The following FHIT variants were observed in gnomAD, a reference collection of about 807,000 sequenced individuals.
FHIT encodes the protein fragile histidine triad diadenosine triphosphatase.
A neutral mutation model predicts 17.9 loss-of-function variants in FHIT; 19 were observed. The observed-to-expected ratio is 1.06, with a 90% CI of 0.74 to 1.56. FHIT has a LOEUF of 1.56. Among genes scored for constraint, FHIT ranks in the 40% most tolerant of loss-of-function variants. The probability of loss-of-function intolerance (pLI) is 0.00; values close to 1 mark genes in which losing one functional copy is unlikely to be tolerated. For synonymous variants in FHIT, 81 were observed against 69.7 expected, an observed-to-expected ratio of 1.16 and a Z score of -0.81; for missense variants, 248 against 189.2, an observed-to-expected ratio of 1.31 and a Z score of -1.82.
intron 3 of FHIT, among the ~76,000 whole-genome samples, chr3:60,937,393 G>A (rs541263710): frequency 3.0e-4 from 46 of 152,078 alleles, no homozygotes; most frequent in Non-Finnish European, 5.0e-4. Context: ...ATTTAGATTC[G>A]TGCTCCAAAT....
chr3:61,122,706 C>T (rs897261603), intron 2 of FHIT, among the ~76,000 whole-genome samples: 2 of 152,158 alleles, frequency 1.3e-5, no homozygotes, highest in Non-Finnish European at 2.9e-5. Flanking sequence ...TGAACAGTCA[C>T]TTCTCAAAAG....
At chr3:60,771,597 A>T (rs1043856922) in intron 4 of FHIT, among the ~76,000 whole-genome samples, 36 of 152,226 alleles carry the variant, frequency 2.4e-4, no homozygotes, top group African/African-American at 8.7e-4. Context: ...AAGTGAGACC[A>T]CTGAATACAG....
At chr3:60,386,036 C>G (rs915133041) in intron 5 of FHIT, among the ~76,000 whole-genome samples, 14 of 152,172 alleles carry the variant, frequency 9.2e-5, no homozygotes, top group African/African-American at 3.4e-4. Flanking sequence ...CCCAGGGTAA[C>G]TGATCCATGG....
intron 4 of FHIT, among the ~76,000 whole-genome samples, chr3:60,618,695 A>C (rs782492582): frequency 6.6e-6 from 1 of 152,198 alleles, no homozygotes; most frequent in African/African-American, 2.4e-5. Flanking sequence ...TGCAAATGTG[A>C]TTAAGTTGAA....
chr3:60,860,017 C>A (rs62249335), intron 3 of FHIT, among the ~76,000 whole-genome samples: 27,634 of 96,406 alleles, frequency 0.29, 3,446 homozygotes, highest in Non-Finnish European at 0.35. Flanking sequence ...GCACTCCAGC[C>A]TGGTGAAGAA....
intron 2 of FHIT, among the ~76,000 whole-genome samples, chr3:61,163,994 G>A (rs1378438257): frequency 6.6e-6 from 1 of 152,150 alleles, no homozygotes; most frequent in Non-Finnish European, 1.5e-5. Flanking sequence ...ATGGATCAGT[G>A]AACAAATTGG....
intron 4 of FHIT, among the ~76,000 whole-genome samples, chr3:60,651,591 A>G (rs1300892720): frequency 1.3e-5 from 2 of 152,074 alleles, no homozygotes; most frequent in African/African-American, 4.8e-5. Context: ...AAATTAATAA[A>G]CTTATTTAAT....
At chr3:61,102,063 T>C (rs1251270554) in intron 2 of FHIT, among the ~76,000 whole-genome samples, 1 of 152,178 alleles carries the variant, frequency 6.6e-6, no homozygotes, top group African/African-American at 2.4e-5. Flanking sequence ...TCTTGCCTTA[T>C]TGCCCTGGCC....
At chr3:60,871,272 T>C (rs1245951069) in intron 3 of FHIT, among the ~76,000 whole-genome samples, 1 of 152,222 alleles carries the variant, frequency 6.6e-6, no homozygotes, top group Non-Finnish European at 1.5e-5. Context: ...TATAGAGAGC[T>C]TTATGGTGGC....
chr3:60,428,742 C>A (rs1291865078), intron 5 of FHIT, among the ~76,000 whole-genome samples: 3 of 152,108 alleles, frequency 2.0e-5, no homozygotes, highest in South Asian at 4.1e-4. Context: ...TAAGGTTACT[C>A]TTAATGAGAA....
chr3:61,082,043 G>C (rs570561978), intron 2 of FHIT, among the ~76,000 whole-genome samples: 1 of 151,562 alleles, frequency 6.6e-6, no homozygotes, highest in African/African-American at 2.4e-5. Flanking sequence ...GCTTCCTTTA[G>C]GAAGCTCCCC....
At chr3:60,748,668 C>G (rs1412693820) in intron 4 of FHIT, among the ~76,000 whole-genome samples, 4 of 152,140 alleles carry the variant, frequency 2.6e-5, no homozygotes, top group South Asian at 2.1e-4. Context: ...AAAAATTAGC[C>G]AGGTGTGGTG....
Position 60,996,618 on chromosome 3 carries a change from T to C in FHIT, c.-111+45429A>G, listed in dbSNP as rs542283586. On this transcript the variant is annotated intron_variant, in intron 3 of 9. Transcript: ENST00000492590. Reference sequence around the variant, plus strand: ...GCAGCATTTCTAAACATTTTAGAATTACGTGTTTGAATCCACGACCACATA... The same window carrying C: ...GCAGCATTTCTAAACATTTTAGAATCACGTGTTTGAATCCACGACCACATA... 8.5e-5 allele frequency among the ~76,000 whole-genome samples: 13 copies of C among 152,344 alleles called. No homozygotes were observed. The South Asian group carries it at 2.1e-3, about 24-fold the overall frequency.
At chr3:59,813,567 G>T (rs1003276254) in intron 8 of FHIT, among the ~76,000 whole-genome samples, 1 of 152,288 alleles carries the variant, frequency 6.6e-6, no homozygotes, top group Non-Finnish European at 1.5e-5. Flanking sequence ...GGAACAGGAA[G>T]GTTGATTTTA....
chr3:60,282,714 T>TA (rs1283279854), intron 5 of FHIT, among the ~76,000 whole-genome samples: 1 of 152,102 alleles, frequency 6.6e-6, no homozygotes, highest in Admixed American at 6.6e-5. Flanking sequence ...AATGTTATGG[T>TA]AAGTCTCTCA....
At chr3:60,938,725 G>GTC (rs1708292412) in intron 3 of FHIT, among the ~76,000 whole-genome samples, 1 of 152,126 alleles carries the variant, frequency 6.6e-6, no homozygotes, top group Admixed American at 6.6e-5. Context: ...ATCCATTGCC[G>GTC]TAACAGAAAT....
intron 5 of FHIT, among the ~76,000 whole-genome samples, chr3:60,197,955 T>C (rs763460771): frequency 1.8e-4 from 28 of 152,170 alleles, no homozygotes; most frequent in South Asian, 4.1e-4. Flanking sequence ...GCATTCCCCA[T>C]TGATGAGCTG....
At chr3:60,448,583 G>A (rs2031503101) in intron 5 of FHIT, among the ~76,000 whole-genome samples, 1 of 152,098 alleles carries the variant, frequency 6.6e-6, no homozygotes, top group Non-Finnish European at 1.5e-5. Context: ...TTTAGTCAAG[G>A]TAGTAAGCAG....
chr3:59,802,284 T>C (rs1194151308), intron 8 of FHIT, among the ~76,000 whole-genome samples: 1 of 152,220 alleles, frequency 6.6e-6, no homozygotes, highest in Non-Finnish European at 1.5e-5. Context: ...GTGTGTGCTC[T>C]AGTTCCCAAC....
Sources: gnomAD v4.1 joint callset for allele counts (sites outside exome capture counted in the v4.1 genomes callset) on GRCh38, gnomAD v4.1.1 for gene constraint, MANE v1.5 for transcripts, NCBI Gene and HGNC (gene_info 2026-07-23, HGNC 2026-07-21) for gene names.